The following AQP1 variants were observed in gnomAD, a reference collection of about 807,000 sequenced individuals.
AQP1 encodes the protein aquaporin-1.
A neutral mutation model predicts 19.7 loss-of-function variants in AQP1; 11 were observed. The ratio of observed to expected loss-of-function variants is 0.56; its 90% CI spans 0.35 to 0.92. The LOEUF is 0.92. Ranked by LOEUF, AQP1 falls within the 40% of genes least tolerant of loss-of-function variation. The pLI, the probability that AQP1 is intolerant of heterozygous loss-of-function variation, is 0.01. For synonymous variants in AQP1, 159 were observed against 166.7 expected (o/e 0.95, Z 0.36); for missense variants, 320 against 369.7 (o/e 0.87, Z 1.10).
At chr7:30,922,535 G>A (rs776553807) in intron 2 of AQP1, 29 bp from the exon 3 acceptor site, 15 of 1,597,018 alleles carry the variant, frequency 9.4e-6, no homozygotes, top group East Asian at 6.7e-5. Flanking sequence ...CTCTGCCTTC[G>A]CCCCTCCCTC....
rs1791188595 is a variant in AQP1, at chr7:30,912,317, G to C, written c.384+24G>C. ...ACGTGAGTGGGGTGTCCCTGGGCTT[G>C]GGGGGGTTCTAGAATGATGCTGAAA... On this transcript the variant is annotated intron_variant, in intron 1 of 3. Coordinates refer to ENST00000311813, the MANE Select transcript of AQP1 (RefSeq NM_198098.4). The surrounding 1 kb of genome is among the most constrained non-coding windows in gnomAD (Gnocchi z 4.3). The C allele has an allele frequency of 1.3e-6, 2 of 1,594,544 alleles. No individual in the cohort carries two copies. The highest frequency in any genetic ancestry group is 4.5e-5 in the East Asian group (2 of 44,772).
At chr7:30,919,599 A>C (rs1791447063) in intron 1 of AQP1, among the ~76,000 whole-genome samples, 1 of 150,668 alleles carries the variant, frequency 6.6e-6, no homozygotes, top group Non-Finnish European at 1.5e-5. Flanking sequence ...TGGGCCAGGC[A>C]AAACTACCTG....
At chr7:30,916,325 C>T (rs1251704196) in intron 1 of AQP1, among the ~76,000 whole-genome samples, 1 of 152,254 alleles carries the variant, frequency 6.6e-6, no homozygotes, top group African/African-American at 2.4e-5. Context: ...GCCATTAGCT[C>T]ACTGCAAGCC....
rs1791590040 is a variant in AQP1, at chr7:30,923,646, G to A, written c.*17G>A. 1 of 1,536,874 alleles carries A rather than the reference G, an allele frequency of 6.5e-7. No individual in the cohort carries two copies. The highest frequency in any genetic ancestry group is 8.7e-7 in the Non-Finnish European group (1 of 1,146,496). ...CCCAAATAGAAGGGGTCTGGCCCGG[G>A]CATCCACGTAGGGGGCAGGGGCAGG... On this transcript the variant is annotated 3_prime_UTR_variant, in exon 4 of 4. Transcript: ENST00000311813. The surrounding 1 kb of genome is among the most constrained non-coding windows in gnomAD (Gnocchi z 4.8).
chr7:30,913,569 C>T (rs1192956870), intron 1 of AQP1, among the ~76,000 whole-genome samples: 1 of 152,120 alleles, frequency 6.6e-6, no homozygotes, highest in Non-Finnish European at 1.5e-5. Flanking sequence ...AGCAGCTGTC[C>T]TCTCGCTTCC....
At chr7:30,919,096 A>G (rs28362724) in intron 1 of AQP1, among the ~76,000 whole-genome samples, 3,136 of 152,292 alleles carry the variant, frequency 0.021, 55 homozygotes, top group East Asian at 0.061. Context: ...GGCTGCCCCT[A>G]GCAAGGGTGG....
At chr7:30,917,943 G>A (rs1426139458) in intron 1 of AQP1, among the ~76,000 whole-genome samples, 1 of 151,930 alleles carries the variant, frequency 6.6e-6, no homozygotes, top group East Asian at 1.9e-4. Flanking sequence ...TTTATTTTTA[G>A]GCTATGTTGT....
At chr7:30,918,012 TG>T (rs1791401942) in intron 1 of AQP1, among the ~76,000 whole-genome samples, 1 of 151,906 alleles carries the variant, frequency 6.6e-6, no homozygotes, top group African/African-American at 2.4e-5. Flanking sequence ...TTTTTTTTTT[TG>T]AGACGGAGTC....
In AQP1 at chr7:30,924,032, G is replaced by A. The variant is rs755719495; in HGVS notation, c.*403G>A. The A allele has an allele frequency of 1.0e-5, 13 of 1,305,188 alleles. No homozygotes were observed. Among genetic ancestry groups the A allele is most frequent in the African/African-American group, 9.0e-5 (6 of 66,444 alleles). The allele number at this position is 1,305,188 out of a possible 1,614,324, so 80.9% of individuals were successfully genotyped here. A position where few individuals can be genotyped will look rare whatever the true frequency, so the allele number is the denominator to read the frequency against. ...TAATTGCTTTGTGCCTTTGGGCACGGCCCTCCTTCTTTTCCTAACATGCAC... is the reference window on the plus strand; with the variant it reads ...TAATTGCTTTGTGCCTTTGGGCACGACCCTCCTTCTTTTCCTAACATGCAC... On this transcript the variant is annotated 3_prime_UTR_variant, in exon 4 of 4. Transcript: ENST00000311813.
intron 1 of AQP1, among the ~76,000 whole-genome samples, chr7:30,920,120 T>C (rs893412162): frequency 3.6e-4 from 55 of 152,146 alleles, no homozygotes; most frequent in Non-Finnish European, 6.2e-4. Flanking sequence ...CCAGAGGAGA[T>C]GAGCTCTTTC....
In AQP1 at chr7:30,924,230, G is replaced by C. The variant is rs989531322; in HGVS notation, c.*601G>C. ...CTGAGTGACCTCCTTCTGCAAAGTG[G>C]CAGGGACCGGCAGAGCTCTACAGGC... On this transcript the variant is annotated 3_prime_UTR_variant, in exon 4 of 4. Coordinates refer to ENST00000311813, the MANE Select transcript of AQP1 (RefSeq NM_198098.4). 3.6e-5 allele frequency: 24 copies of C among 666,950 alleles called. No homozygotes were observed. Among genetic ancestry groups the C allele is most frequent in the Middle Eastern group, 1.3e-3 (2 of 1,552 alleles). 41.3% of individuals were successfully genotyped at this position (666,950 alleles called of 1,614,324 possible). A position where few individuals can be genotyped will look rare whatever the true frequency, so the allele number is the denominator to read the frequency against.
intron 1 of AQP1, among the ~76,000 whole-genome samples, chr7:30,913,769 T>A (rs1321493023): frequency 6.6e-6 from 1 of 151,904 alleles, no homozygotes; most frequent in Non-Finnish European, 1.5e-5. Context: ...TGGGCTGGAG[T>A]TTAGACTTTA....
In AQP1 at chr7:30,911,921, G is replaced by A. The variant is rs374468237; in HGVS notation, c.12G>A (p.Glu4=). 3.7e-5 allele frequency: 59 copies of A among 1,613,200 alleles called. No homozygotes were observed. The highest frequency in any genetic ancestry group is 6.7e-5 in the East Asian group (3 of 44,878). The change falls in exon 1 of 4, where the codon GAG becomes GAA. Residue 4 remains glutamate (E), a synonymous_variant. Coordinates refer to ENST00000311813, the MANE Select transcript of AQP1 (RefSeq NM_198098.4). ...AGCCCCCTGCCAGCATGGCCAGCGA[G>A]TTCAAGAAGAAGCTCTTCTGGAGGG... MAS[E]FKKKLFWRAV... is the part of the protein sequence containing the mutation.
At position 30,923,979 on chromosome 7, in the gene AQP1, ACCTGC is replaced by A. The variant is rs1791607932; in HGVS notation, c.*351_*355del. 7.2e-7 allele frequency: 1 copy of A among 1,388,048 alleles called. No individual in the cohort carries two copies. The highest frequency in any genetic ancestry group is 1.4e-5 in the African/African-American group (1 of 68,988). 86.0% of individuals were successfully genotyped at this position (1,388,048 alleles called of 1,614,324 possible). On this transcript the variant is annotated 3_prime_UTR_variant, in exon 4 of 4. Transcript: ENST00000311813. The surrounding 1 kb of genome is among the most constrained non-coding windows in gnomAD (Gnocchi z 4.8). ...TCGCCCCAAAGTTGCTCACCGACTC[ACCTGC>A]GCAAGTGCCTGGGATTCTACCGTAA...
chr7:30,923,775 C>T lies in AQP1; in HGVS notation c.*146C>T. ...CTGCCAGACCTGCATGGTCAAGCCT[C>T]TTATGGGGGTGTTTCTATCTCTTTC... On this transcript the variant is annotated 3_prime_UTR_variant, in exon 4 of 4. Coordinates refer to ENST00000311813, the MANE Select transcript of AQP1 (RefSeq NM_198098.4). The surrounding 1 kb of genome is among the most constrained non-coding windows in gnomAD (Gnocchi z 4.8). 1.3e-6 allele frequency: 2 copies of T among 1,510,752 alleles called. No homozygotes were observed. The highest frequency in any genetic ancestry group is 2.6e-5 in the South Asian group (2 of 77,864). The allele number at this position is 1,510,752 out of a possible 1,614,324, so 93.6% of individuals were successfully genotyped here. A position where few individuals can be genotyped will look rare whatever the true frequency, so the allele number is the denominator to read the frequency against.
In AQP1 at chr7:30,912,857, G is replaced by A. The variant is rs1791201628; in HGVS notation, c.384+564G>A. Among the ~76,000 whole-genome samples, 1 of 152,178 alleles carries A rather than the reference G, an allele frequency of 6.6e-6. No homozygotes were observed. Among genetic ancestry groups the A allele is most frequent in the Non-Finnish European group, 1.5e-5 (1 of 68,034 alleles). On this transcript the variant is annotated intron_variant, in intron 1 of 3. Transcript: ENST00000311813. This position sits in a 1 kb window ranked among gnomAD's most constrained non-coding sequence, Gnocchi z 4.3. The stretch of plus-strand genomic sequence containing the variant: ...TCTTTTGCCCCTGAGATTAGACAAA[G>A]ATAAGGGAGTGAAAACACTCTCTGG...
chr7:30,921,273 C>G, intron 1 of AQP1: 5 of 1,244,574 alleles, frequency 4.0e-6, no homozygotes, highest in Non-Finnish European at 5.0e-6. Flanking sequence ...AGCTTCCATT[C>G]CCTTCTCTTT....
chr7:30,917,992 T>C (rs1791400119), intron 1 of AQP1, among the ~76,000 whole-genome samples: 1 of 151,504 alleles, frequency 6.6e-6, no homozygotes, highest in Non-Finnish European at 1.5e-5. Flanking sequence ...AGTTCCTTTA[T>C]AGATTTTTAT....
rs768723791 is a variant in AQP1 at position 30,922,179 on chromosome 7, C to T, written c.498C>T (p.Gly166=). The T allele has an allele frequency of 6.2e-7, 1 of 1,612,730 alleles. No homozygotes were observed. The highest frequency in any genetic ancestry group is 8.5e-7 in the Non-Finnish European group (1 of 1,180,006). Residue 166 remains glycine, a synonymous_variant, in exon 2 of 4, where the codon GGC becomes GGT. Coordinates refer to ENST00000311813, the MANE Select transcript of AQP1 (RefSeq NM_198098.4). ...ACCGGAGGCGCCGTGACCTTGGTGG[C>T]TCAGCCCCCCTTGCCATCGGCCTCT... ...TTDRRRRDLG[G]SAPLAIGLSV...
Sources: gnomAD v4.1 joint callset for allele counts (sites outside exome capture counted in the v4.1 genomes callset) on GRCh38, gnomAD v4.1.1 for gene constraint, Gnocchi (gnomAD v3.1) non-coding constraint, MANE v1.5 for transcripts, NCBI Gene and HGNC (gene_info 2026-07-23, HGNC 2026-07-21) for gene names.